INTS1: variants seen among roughly 807,000 people sequenced by gnomAD.
INTS1 encodes the protein integrator complex subunit 1.
In INTS1, 137 loss-of-function variants were observed where a neutral mutation model predicts 241.6. That is an observed-to-expected ratio of 0.57 (90% CI 0.49 to 0.65). The LOEUF (loss-of-function observed/expected upper bound fraction) is 0.65. Ranked by LOEUF, INTS1 falls within the 30% of genes least tolerant of loss-of-function variation. INTS1 has a pLI of 0.00. For synonymous variants in INTS1, 1,692 were observed against 1,337.8 expected, an observed-to-expected ratio of 1.26 and a Z score of -5.78; for missense variants, 3,073 against 3,032.2, an observed-to-expected ratio of 1.01 and a Z score of -0.32.
At chr7:1,480,566 G>A in intron 29 of INTS1, 125 bp from the exon 30 acceptor site, 6 of 1,104,066 alleles carry the variant, frequency 5.4e-6, no homozygotes, top group East Asian at 2.6e-5. Context: ...CTCAGACCTG[G>A]GCTCTGTGTT....
At position 1,474,692 on chromosome 7, in the gene INTS1, T is replaced by C. The variant is rs1781629866; in HGVS notation, c.5636+13A>G. 6.4e-7 allele frequency: 1 copy of C among 1,555,450 alleles called. No individual in the cohort carries two copies. Among genetic ancestry groups the C allele is most frequent in the Admixed American group, 1.9e-5 (1 of 51,960 alleles). On this transcript the variant is annotated intron_variant, in intron 40 of 47. Coordinates refer to ENST00000404767, the MANE Select transcript of INTS1 (RefSeq NM_001080453.3). The stretch of plus-strand genomic sequence containing the variant: ...ACCAGTGTCTGGCGAGGGCAGGGCT[T>C]CTGGGACAGCACCTGAGCAGCAGCA...
rs747738674 is a variant in INTS1, at chr7:1,485,274, C to T, written c.3156+16G>A. On this transcript the variant is annotated intron_variant, in intron 23 of 47. Transcript: ENST00000404767. The stretch of plus-strand genomic sequence containing the variant: ...CTCTCATCTTTCCCTGCCGCGGCCC[C>T]GGTCAGCGCCCTCACCTGCTGCAGG... 1.3e-5 allele frequency: 21 copies of T among 1,600,432 alleles called. No individual in the cohort carries two copies. The highest frequency in any genetic ancestry group is 1.0e-4 in the Admixed American group (6 of 59,720).
rs774033765 is a variant in INTS1, at chr7:1,477,940, C to T, written c.4631-4G>A. ...ACCTCGATCAGCCCCTGGAGGACTG[C>T]GCAAGGGACAAAGAGACATGTGGGT... is the stretch of plus-strand genomic sequence containing the variant. On this transcript the variant is annotated splice_polypyrimidine_tract_variant and splice_region_variant and intron_variant, in intron 33 of 47. Coordinates refer to ENST00000404767, the MANE Select transcript of INTS1 (RefSeq NM_001080453.3). 72 of 1,612,028 alleles carry T rather than the reference C, an allele frequency of 4.5e-5. No individual in the cohort carries two copies. The highest frequency in any genetic ancestry group is 4.1e-4 in the South Asian group (37 of 91,066).
chr7:1,487,462 G>A lies in INTS1; in HGVS notation c.2517-13C>T, dbSNP rs778141753. The A allele has an allele frequency of 2.5e-6, 4 of 1,609,194 alleles. No individual in the cohort carries two copies. Among genetic ancestry groups the A allele is most frequent in the South Asian group, 1.1e-5 (1 of 90,462 alleles). ...CCGGGGGGGCCCCCTGAGGGCCACA[G>A]GGGACACGGTGCGTCAGCACGCCCT... On this transcript the variant is annotated splice_polypyrimidine_tract_variant and intron_variant, in intron 19 of 47. Coordinates refer to ENST00000404767, the MANE Select transcript of INTS1 (RefSeq NM_001080453.3).
rs1218080079 is a variant in INTS1 at position 1,483,576 on chromosome 7, G to A, written c.3541+166C>T. ...CCACCAAGTGCTCAGAGACACGCGG[G>A]ACGGACTGCAGCCTCCTCTTTAGGA... On this transcript the variant is annotated intron_variant, in intron 26 of 47. Coordinates refer to ENST00000404767, the MANE Select transcript of INTS1 (RefSeq NM_001080453.3). 1.2e-5 allele frequency: 8 copies of A among 669,802 alleles called. No homozygotes were observed. In the East Asian group the frequency reaches 1.6e-4, roughly 14 times the overall value. The allele number at this position is 669,802 out of a possible 1,614,324, so 41.5% of individuals were successfully genotyped here. A position where few individuals can be genotyped will look rare whatever the true frequency, so the allele number is the denominator to read the frequency against.
chr7:1,502,119 C>T (rs1783211798), intron 3 of INTS1, among the ~76,000 whole-genome samples: 3 of 152,272 alleles, frequency 2.0e-5, no homozygotes, highest in Middle Eastern at 3.4e-3. Context: ...AACTCAGTAA[C>T]CAGAGGTGGC....
chr7:1,503,649 A>C (rs1783312080), intron 2 of INTS1, among the ~76,000 whole-genome samples: 1 of 152,152 alleles, frequency 6.6e-6, no homozygotes, highest in South Asian at 2.1e-4. Flanking sequence ...ACCTTCCGCT[A>C]CTGTCGGCCG....
At chr7:1,476,105 C>T (rs780929453) in intron 38 of INTS1, 34 bp from the exon 39 acceptor site, 51 of 1,530,374 alleles carry the variant, frequency 3.3e-5, no homozygotes, top group Admixed American at 5.9e-5. Flanking sequence ...ACCAGGCGGA[C>T]GGGGCCCCAG....
In INTS1 at chr7:1,478,787, G is replaced by A. The variant is rs1214160322; in HGVS notation, c.4428C>T (p.Pro1476=). ...WLDSPGVEGG[P]LRAQLRMLAS... ...CAAGCATCCTGAGCTGTGCCCGCAG[G>A]GGCCCGCCCTCCACGCCAGGGCTGT... is the stretch of plus-strand genomic sequence containing the variant. Residue 1476 remains proline (P), a synonymous_variant, in exon 32 of 48, where the codon CCC becomes CCT. Transcript: ENST00000404767. 3 of 1,604,582 alleles carry A rather than the reference G, an allele frequency of 1.9e-6. No homozygotes were observed. The highest frequency in any genetic ancestry group is 2.5e-6 in the Non-Finnish European group (3 of 1,176,554).
rs375140150 is a variant in INTS1 at position 1,481,295 on chromosome 7, C to A, written c.3850+47G>T. 1.2e-6 allele frequency: 2 copies of A among 1,609,060 alleles called. No homozygotes were observed. The highest frequency in any genetic ancestry group is 1.7e-6 in the Non-Finnish European group (2 of 1,177,926). ...CCCCAAAAGCCTGGCCGGGCTGGGGCTCGGTCAGCGTGTGTGAACCCACTC... is the reference window on the plus strand; with the variant it reads ...CCCCAAAAGCCTGGCCGGGCTGGGGATCGGTCAGCGTGTGTGAACCCACTC... On this transcript the variant is annotated intron_variant, in intron 28 of 47. Coordinates refer to ENST00000404767, the MANE Select transcript of INTS1 (RefSeq NM_001080453.3). The surrounding 1 kb of genome is among the most constrained non-coding windows in gnomAD (Gnocchi z 6.8).
At chr7:1,479,054 G>A (rs530802945) in intron 31 of INTS1, among the ~76,000 whole-genome samples, 169 bp from the exon 32 acceptor site, 51 of 152,334 alleles carry the variant, frequency 3.3e-4, no homozygotes, top group African/African-American at 1.1e-3. Flanking sequence ...TCCCCTGCAC[G>A]GGCCCAGACG....
intron 20 of INTS1, 82 bp from the exon 21 acceptor site, chr7:1,487,183 G>A (rs1270764632): frequency 6.6e-7 from 1 of 1,515,478 alleles, no homozygotes; most frequent in Non-Finnish European, 8.9e-7. Flanking sequence ...CGCGGAGCCG[G>A]AAAGGGCGAC....
intron 44 of INTS1, among the ~76,000 whole-genome samples, chr7:1,472,053 G>A (rs1455978975): frequency 6.6e-6 from 1 of 152,152 alleles, no homozygotes; most frequent in African/African-American, 2.4e-5. Context: ...TTTTTGCTGT[G>A]CCTGAAGCAG....
chr7:1,499,586 G>C lies in INTS1; in HGVS notation c.731C>G (p.Pro244Arg). ...GTTGTCCACAAACGTCTTACAGTGAGGGCTGTCCACCCAGATCCGCTCCCC... is the reference window on the plus strand; with the variant it reads ...GTTGTCCACAAACGTCTTACAGTGACGGCTGTCCACCCAGATCCGCTCCCC... The part of the protein sequence containing the change: ...SLGERIWVDS[P>R]HCKTFVDNIQ... Residue 244 changes from proline (P) to arginine (R), a missense_variant, in exon 6 of 48, where the codon CCT becomes CGT. By Grantham distance (103) the Pro-to-Arg change is moderately radical. Transcript: ENST00000404767. The C allele has an allele frequency of 6.2e-7, 1 of 1,613,428 alleles. No individual in the cohort carries two copies.
At chr7:1,499,391 G>T (rs577438744) in intron 6 of INTS1, 31 bp from the exon 7 acceptor site, 3 of 1,551,160 alleles carry the variant, frequency 1.9e-6, no homozygotes, top group South Asian at 1.2e-5. Flanking sequence ...TCCATGCAGC[G>T]CCTCCCACCC....
In INTS1 at chr7:1,486,635, A is replaced by G; in HGVS notation, c.2966T>C (p.Leu989Pro). The change falls in exon 22 of 48, where the codon CTG (leucine) becomes CCG (proline). Residue 989 changes from leucine to proline, a missense_variant. Coordinates refer to ENST00000404767, the MANE Select transcript of INTS1 (RefSeq NM_001080453.3). ...LGSSQVASRVLAMKGLSLVLS... is the reference protein window; with the variant it reads ...LGSSQVASRVPAMKGLSLVLS... Reference sequence around the variant, plus strand: ...CGCCCACCACCTCACCTTCATGGCCAGCACGCGGGAGGCCACCTGGGAGGA... The same window carrying G: ...CGCCCACCACCTCACCTTCATGGCCGGCACGCGGGAGGCCACCTGGGAGGA... 6.2e-7 allele frequency: 1 copy of G among 1,611,646 alleles called. No individual in the cohort carries two copies. Among genetic ancestry groups the G allele is most frequent in the Non-Finnish European group, 8.5e-7 (1 of 1,179,424 alleles).
Position 1,486,690 on chromosome 7 carries a change from C to T in INTS1, c.2911G>A (p.Val971Met). The T allele has an allele frequency of 6.2e-7, 1 of 1,612,632 alleles. No individual in the cohort carries two copies. The highest frequency in any genetic ancestry group is 1.1e-5 in the South Asian group (1 of 91,036). The change falls in exon 22 of 48, where the codon GTG (valine) becomes ATG (methionine). Residue 971 changes from valine to methionine, a missense_variant. Val to Met is a conservative substitution (Grantham distance 21, BLOSUM62 1). Transcript: ENST00000404767. ...PKADEQTTCE[V>M]LDYFLRRLGS... is the part of the protein sequence containing the mutation. ...AGGCGCCGCAAGAAGTAGTCCAGCA[C>T]CTCACACGTGGTCTGCTCATCAGCC... is the stretch of plus-strand genomic sequence containing the variant.
At chr7:1,485,008 G>A (rs1214770213) in intron 24 of INTS1, 90 bp downstream of exon 24, 6 of 355,542 alleles carry the variant, frequency 1.7e-5, no homozygotes, top group African/African-American at 2.4e-5. Context: ...CCACACTGCC[G>A]GCTGGCCCCG....
chr7:1,487,395 G>T lies in INTS1; in HGVS notation c.2571C>A (p.Asn857Lys). The T allele has an allele frequency of 6.2e-7, 1 of 1,612,114 alleles. No individual in the cohort carries two copies. The highest frequency in any genetic ancestry group is 8.5e-7 in the Non-Finnish European group (1 of 1,179,482). Residue 857 changes from asparagine to lysine, a missense_variant, in exon 20 of 48, where the codon AAC becomes AAA. Coordinates refer to ENST00000404767, the MANE Select transcript of INTS1 (RefSeq NM_001080453.3). The stretch of plus-strand genomic sequence containing the variant: ...AGAGGTGCCCGAGGCGGAGGGACTG[G>T]TTGAGGCTTTTCACTTGATCCAGGA... ...PHILDQVKSL[N>K]QSLRLGHLLC...
Sources: gnomAD v4.1 joint callset for allele counts (sites outside exome capture counted in the v4.1 genomes callset) on GRCh38, gnomAD v4.1.1 for gene constraint, Gnocchi (gnomAD v3.1) non-coding constraint, MANE v1.5 for transcripts, NCBI Gene and HGNC (gene_info 2026-07-23, HGNC 2026-07-21) for gene names.